Variants in KDM4B observed in about 807,000 individuals in gnomAD.
KDM4B encodes lysine demethylase 4B, also known as lysine-specific demethylase 4B.
In KDM4B, 32 loss-of-function variants were observed where a neutral mutation model predicts 125.2. That is an observed-to-expected ratio of 0.26 (90% CI 0.19 to 0.34). KDM4B has a LOEUF of 0.34. Among genes scored for constraint, KDM4B ranks in the 10% least tolerant of loss-of-function variants. The pLI is 1.00. For synonymous variants in KDM4B, 721 were observed against 677.9 expected, an observed-to-expected ratio of 1.06 and a Z score of -0.99; for missense variants, 1,190 against 1,577.7, an observed-to-expected ratio of 0.75 and a Z score of 4.16.
chr19:5,063,022 T>A (rs1486461002), intron 6 of KDM4B, among the ~76,000 whole-genome samples: 1 of 151,932 alleles, frequency 6.6e-6, no homozygotes, highest in Non-Finnish European at 1.5e-5. Context: ...TTTCTTGATA[T>A]ATCACATTGG....
In KDM4B at chr19:5,055,646, G is replaced by A. The variant is rs556420481; in HGVS notation, c.626+7977G>A. Among the ~76,000 whole-genome samples the A allele has an allele frequency of 2.4e-4, 37 of 152,280 alleles. 1 individual carries two copies. In the South Asian group the frequency reaches 5.8e-3, roughly 24 times the overall value. Reference sequence around the variant, plus strand: ...TGGGAGGGCGCCCCGCAGCAGGCGAGTGTCGGGTGGTGGCCGTGATGGGGA... The same window carrying A: ...TGGGAGGGCGCCCCGCAGCAGGCGAATGTCGGGTGGTGGCCGTGATGGGGA... On this transcript the variant is annotated intron_variant, in intron 6 of 22. Coordinates refer to ENST00000159111, the MANE Select transcript of KDM4B (RefSeq NM_015015.3).
In KDM4B at chr19:5,047,566, C is replaced by T. The variant is rs1347789391; in HGVS notation, c.523C>T (p.Pro175Ser). The T allele has an allele frequency of 6.2e-7, 1 of 1,613,868 alleles. No homozygotes were observed. Among genetic ancestry groups the T allele is most frequent in the Non-Finnish European group, 8.5e-7 (1 of 1,179,938 alleles). Residue 175 changes from proline (P) to serine (S), a missense_variant, in exon 6 of 23, where the codon CCC becomes TCC. Pro to Ser is a moderately conservative substitution (Grantham distance 74). Transcript: ENST00000159111. Reference protein sequence around the residue: ...CGTIIEGVNTPYLYFGMWKTT... With the variant: ...CGTIIEGVNTSYLYFGMWKTT... ...CACCATCATCGAGGGCGTGAACACG[C>T]CCTACCTGTACTTCGGCATGTGGAA...
chr19:5,061,021 G>A (rs1249226186), intron 6 of KDM4B, among the ~76,000 whole-genome samples: 2 of 152,234 alleles, frequency 1.3e-5, no homozygotes, highest in Non-Finnish European at 1.5e-5. Flanking sequence ...AAAGTGGGCT[G>A]GCGGTGTATG....
chr19:5,087,026 A>G (rs939040641), intron 9 of KDM4B, among the ~76,000 whole-genome samples: 1 of 152,228 alleles, frequency 6.6e-6, no homozygotes, highest in Non-Finnish European at 1.5e-5. Flanking sequence ...GCGCGCACAC[A>G]CAGGAGGCAG....
At chr19:4,984,114 G>A (rs2034744661) in intron 1 of KDM4B, among the ~76,000 whole-genome samples, 1 of 152,184 alleles carries the variant, frequency 6.6e-6, no homozygotes, top group Non-Finnish European at 1.5e-5. Context: ...CAAGGACACT[G>A]CTCAGCACCC....
At chr19:5,126,299 G>A (rs919475626) in intron 11 of KDM4B, among the ~76,000 whole-genome samples, 3 of 152,000 alleles carry the variant, frequency 2.0e-5, no homozygotes, top group African/African-American at 4.8e-5. Flanking sequence ...AAGAGCGGCC[G>A]CCCTATTGCC....
rs2036577912 is a variant in KDM4B, at chr19:5,035,133, C to T, written c.141+2102C>T. Among the ~76,000 whole-genome samples the T allele has an allele frequency of 6.6e-6, 1 of 152,210 alleles. No homozygotes were observed. The highest frequency in any genetic ancestry group is 1.5e-5 in the Non-Finnish European group (1 of 68,036). ...CCTATCTCATCTCAGACCGTCTTCT[C>T]TGGCCCTCTAGGCCACAGGCTGCTA... On this transcript the variant is annotated intron_variant, in intron 3 of 22. Coordinates refer to ENST00000159111, the MANE Select transcript of KDM4B (RefSeq NM_015015.3). This position sits in a 1 kb window ranked among gnomAD's most constrained non-coding sequence, Gnocchi z 5.3.
intron 21 of KDM4B, among the ~76,000 whole-genome samples, chr19:5,148,542 C>T (rs1022864904): frequency 2.6e-5 from 4 of 152,314 alleles, no homozygotes; most frequent in Admixed American, 6.5e-5. Flanking sequence ...CTGTGTGCCA[C>T]GCCTGCCAGA....
chr19:5,137,932 C>G (rs1361329160), intron 17 of KDM4B, 30 bp from the exon 18 acceptor site: 4 of 1,573,080 alleles, frequency 2.5e-6, no homozygotes, highest in Non-Finnish European at 3.5e-6. Flanking sequence ...CTCAGAGGCG[C>G]ACCTGACCCC....
intron 15 of KDM4B, among the ~76,000 whole-genome samples, chr19:5,136,883 C>G (rs1457573980): frequency 6.6e-6 from 1 of 152,172 alleles, no homozygotes; most frequent in Non-Finnish European, 1.5e-5. Flanking sequence ...GTCTCCCTTG[C>G]GGCTTTGGCC....
At chr19:5,089,658 A>G (rs2038624337) in intron 9 of KDM4B, among the ~76,000 whole-genome samples, 1 of 151,848 alleles carries the variant, frequency 6.6e-6, no homozygotes, top group African/African-American at 2.4e-5. Context: ...TACCTTAAAA[A>G]TATGCACTAA....
chr19:4,985,871 C>T (rs529964678), intron 1 of KDM4B, among the ~76,000 whole-genome samples: 30 of 152,310 alleles, frequency 2.0e-4, no homozygotes, highest in Non-Finnish European at 3.4e-4. Flanking sequence ...CTGGCCAAGG[C>T]TGTGTGTGTC....
intron 1 of KDM4B, among the ~76,000 whole-genome samples, chr19:4,982,706 G>A (rs867584835): frequency 2.6e-5 from 4 of 151,568 alleles, no homozygotes; most frequent in African/African-American, 9.7e-5. Flanking sequence ...TCCACCTCCC[G>A]GGTTCAAGCG....
rs190778532 is a variant in KDM4B at position 5,115,309 on chromosome 19, G to A, written c.1116-4344G>A. Among the ~76,000 whole-genome samples the A allele has an allele frequency of 6.6e-6, 1 of 152,244 alleles. No homozygotes were observed. The highest frequency in any genetic ancestry group is 6.5e-5 in the Admixed American group (1 of 15,298). On this transcript the variant is annotated intron_variant, in intron 10 of 22. Coordinates refer to ENST00000159111, the MANE Select transcript of KDM4B (RefSeq NM_015015.3). This position sits in a 1 kb window ranked among gnomAD's most constrained non-coding sequence, Gnocchi z 4.2. ...ATGTGGGGGCAACCAGCAGAAGACA[G>A]TGGGTGGCTCTGGGCAGAAGGGAGG...
At chr19:5,005,334 G>C (rs1194352993) in intron 1 of KDM4B, among the ~76,000 whole-genome samples, 1 of 152,218 alleles carries the variant, frequency 6.6e-6, no homozygotes, top group Admixed American at 6.5e-5. Flanking sequence ...GGTGCTGCCA[G>C]GCCACTGGGG....
chr19:4,969,966 C>T (rs748256516), intron 1 of KDM4B, among the ~76,000 whole-genome samples: 6 of 152,322 alleles, frequency 3.9e-5, no homozygotes, highest in South Asian at 2.1e-4. Flanking sequence ...CCAGCCTGAT[C>T]GCCATCTCGA....
In KDM4B at chr19:5,131,897, C is replaced by T. The variant is rs1244182435; in HGVS notation, c.1796C>T (p.Thr599Ile). Residue 599 changes from threonine (T) to isoleucine (I), a missense_variant, in exon 13 of 23, where the codon ACA becomes ATA. Physicochemically the swap from Thr to Ile is moderately conservative, Grantham distance 89. This residue lies in a region of KDM4B where 428 missense variants were observed against 405.1 expected (regional missense o/e 1.06). Transcript: ENST00000159111. ...ARAGEGQAPS[T>I]FSKLKMEIKK... ...TGTTGTGTGTTTCAGGCACCGTCCACATTTTCCAAATTGAAGATGGAGATC... is the reference window on the plus strand; with the variant it reads ...TGTTGTGTGTTTCAGGCACCGTCCATATTTTCCAAATTGAAGATGGAGATC... The T allele has an allele frequency of 6.2e-7, 1 of 1,612,730 alleles. No individual in the cohort carries two copies. Among genetic ancestry groups the T allele is most frequent in the Admixed American group, 1.7e-5 (1 of 59,980 alleles).
chr19:4,982,741 T>G (rs894594958), intron 1 of KDM4B, among the ~76,000 whole-genome samples: 2 of 151,944 alleles, frequency 1.3e-5, no homozygotes, highest in African/African-American at 4.8e-5. Flanking sequence ...GCCTCCTGAG[T>G]AGCTGGGACT....
chr19:5,148,637 C>A (rs1441868836), intron 21 of KDM4B, among the ~76,000 whole-genome samples: 4 of 151,944 alleles, frequency 2.6e-5, no homozygotes, highest in African/African-American at 9.7e-5. Context: ...CTCTAAAACC[C>A]GCTGCTGCCC....
Sources: allele counts gnomAD v4.1 joint callset (sites outside exome capture counted in the v4.1 genomes callset), GRCh38; gene constraint gnomAD v4.1.1; regional missense constraint gnomAD v4.1.1; non-coding constraint Gnocchi (gnomAD v3.1); transcripts MANE v1.5; gene names NCBI Gene and HGNC (gene_info 2026-07-23, HGNC 2026-07-21).